Variants in PM20D2 observed in about 807,000 individuals in gnomAD.
PM20D2 encodes xaa-Arg dipeptidase.
In PM20D2, 33 loss-of-function variants were observed where a neutral mutation model predicts 42.9. The ratio of observed to expected loss-of-function variants is 0.77; its 90% CI spans 0.58 to 1.03. The LOEUF (loss-of-function observed/expected upper bound fraction) is 1.03. PM20D2 is among the 50% of genes least tolerant of loss of function. The pLI is 0.00. For synonymous variants in PM20D2, 250 were observed against 228.2 expected (o/e 1.10, Z -0.86); for missense variants, 548 against 557.0 (o/e 0.98, Z 0.16).
rs572337384 is a variant in PM20D2, at chr6:89,148,263, G to C, written c.466-1002G>C. Among the ~76,000 whole-genome samples the C allele has an allele frequency of 5.3e-5, 8 of 152,200 alleles. No individual in the cohort carries two copies. The South Asian group carries it at 1.7e-3, about 32-fold the overall frequency. On this transcript the variant is annotated intron_variant, in intron 1 of 6. Transcript: ENST00000275072. Reference sequence around the variant, plus strand: ...CACAGTGCTAGGATTACAGGCATGAGTCACCGCTCCCGGCCCACTCTTCTA... The same window carrying C: ...CACAGTGCTAGGATTACAGGCATGACTCACCGCTCCCGGCCCACTCTTCTA...
At chr6:89,149,501 T>C in intron 2 of PM20D2, 88 bp downstream of exon 2, 1 of 1,431,820 alleles carries the variant, frequency 7.0e-7, no homozygotes, top group Non-Finnish European at 9.4e-7. Context: ...AAACTCCACA[T>C]TTGTATATTT....
At chr6:89,158,620 C>T (rs961185024) in intron 5 of PM20D2, among the ~76,000 whole-genome samples, 160 bp downstream of exon 5, 8 of 152,130 alleles carry the variant, frequency 5.3e-5, no homozygotes, top group African/African-American at 1.9e-4. Flanking sequence ...CTAATGGACT[C>T]TTAAGTGAGT....
chr6:89,154,529 A>G (rs1299284119), intron 3 of PM20D2, among the ~76,000 whole-genome samples: 2 of 152,200 alleles, frequency 1.3e-5, no homozygotes, highest in Non-Finnish European at 2.9e-5. Flanking sequence ...TGAAGTGCAT[A>G]TGGATAATTA....
chr6:89,120,436 T>C, the PM20D2 span, among the ~76,000 whole-genome samples: 34 of 152,120 alleles, frequency 2.2e-4, no homozygotes, highest in African/African-American at 6.5e-4. Context: ...ACCACTACAT[T>C]GACTTTGCAA....
the PM20D2 span, among the ~76,000 whole-genome samples, chr6:89,121,000 G>T: frequency 6.6e-6 from 1 of 151,720 alleles, no homozygotes; most frequent in Non-Finnish European, 1.5e-5. Context: ...TTTTAGTATT[G>T]TCAGATTTTT....
chr6:89,146,545 C>A lies in PM20D2; in HGVS notation c.401C>A (p.Ala134Glu). ...CGHNLIAEVG[A>E]AAALGVRGAL... Reference sequence around the variant, plus strand: ...CACAACCTCATCGCTGAGGTCGGGGCGGCGGCCGCGCTGGGCGTGAGGGGG... The same window carrying A: ...CACAACCTCATCGCTGAGGTCGGGGAGGCGGCCGCGCTGGGCGTGAGGGGG... The change falls in exon 1 of 7, where the codon GCG becomes GAG. Residue 134 changes from alanine to glutamate, a missense_variant. Around this residue, in one of 3 missense-constraint regions of PM20D2, gnomAD observed 470 missense variants for 464.4 expected, o/e 1.01. Transcript: ENST00000275072. 1.3e-6 allele frequency: 2 copies of A among 1,498,950 alleles called. No individual in the cohort carries two copies. Among genetic ancestry groups the A allele is most frequent in the Non-Finnish European group, 1.8e-6 (2 of 1,131,730 alleles). The allele number at this position is 1,498,950 out of a possible 1,614,324, so 92.9% of individuals were successfully genotyped here. A position where few individuals can be genotyped will look rare whatever the true frequency, so the allele number is the denominator to read the frequency against.
At chr6:89,136,474 G>T in the PM20D2 span, among the ~76,000 whole-genome samples, 1 of 150,720 alleles carries the variant, frequency 6.6e-6, no homozygotes, top group African/African-American at 2.5e-5. Flanking sequence ...TCAGGAGATC[G>T]AGACCATCCT....
At chr6:89,149,199 G>A in intron 1 of PM20D2, 66 bp from the exon 2 acceptor site, 1 of 1,545,800 alleles carries the variant, frequency 6.5e-7, no homozygotes. Context: ...ATATGCAGGT[G>A]AACCTGTTTG....
the PM20D2 span, among the ~76,000 whole-genome samples, chr6:89,103,284 CT>C: frequency 1.1e-4 from 17 of 152,028 alleles, no homozygotes; most frequent in South Asian, 2.1e-4. Flanking sequence ...GAGAAAAAAA[CT>C]GGTTCACTAA....
chr6:89,101,205 C>G, the PM20D2 span, among the ~76,000 whole-genome samples: 1 of 151,696 alleles, frequency 6.6e-6, no homozygotes, highest in Non-Finnish European at 1.5e-5. Context: ...TTTAAGAAAT[C>G]CCTAAAAGAA....
At chr6:89,121,549 A>G in the PM20D2 span, among the ~76,000 whole-genome samples, 2 of 152,216 alleles carry the variant, frequency 1.3e-5, no homozygotes, top group African/African-American at 2.4e-5. Flanking sequence ...ACTCATAAAC[A>G]TATTCATATT....
the PM20D2 span, among the ~76,000 whole-genome samples, chr6:89,124,680 T>TA: frequency 6.6e-6 from 1 of 150,820 alleles, no homozygotes; most frequent in Non-Finnish European, 1.5e-5. Flanking sequence ...GGAAGAATGC[T>TA]AAAGAGATTG....
chr6:89,105,500 A>G, the PM20D2 span: 2 of 1,606,620 alleles, frequency 1.2e-6, no homozygotes, highest in East Asian at 2.2e-5. Flanking sequence ...GGTTATAAAG[A>G]GCATCTTCAG....
At chr6:89,117,950 A>T in the PM20D2 span, 1 of 1,490,192 alleles carries the variant, frequency 6.7e-7, no homozygotes, top group Non-Finnish European at 9.0e-7. Context: ...GTCTCCCGCT[A>T]CCGCTGCTAC....
chr6:89,105,433 G>C, the PM20D2 span: 1 of 1,602,762 alleles, frequency 6.2e-7, no homozygotes, highest in Non-Finnish European at 8.5e-7. Context: ...TTACTTTTGC[G>C]ATCACCTTGT....
At position 89,149,402 on chromosome 6, in the gene PM20D2, G is replaced by A; in HGVS notation, c.603G>A (p.Met201Ile). The change falls in exon 2 of 7, where the codon ATG (methionine) becomes ATA (isoleucine). Residue 201 changes from methionine to isoleucine, a missense_variant. Around this residue, in one of 3 missense-constraint regions of PM20D2, gnomAD observed 470 missense variants for 464.4 expected, o/e 1.01. Transcript: ENST00000275072. Reference protein sequence around the residue: ...SQENAAYLPDMAEHDVTVKYY... With the variant: ...SQENAAYLPDIAEHDVTVKYY... ...AGAATGCTGCTTATCTACCAGATAT[G>A]GCTGAACATGAGTGAGTAATCAAGT... 6.2e-7 allele frequency: 1 copy of A among 1,613,908 alleles called. No individual in the cohort carries two copies. The highest frequency in any genetic ancestry group is 8.5e-7 in the Non-Finnish European group (1 of 1,179,896).
upstream of PM20D2, among the ~76,000 whole-genome samples, chr6:89,142,512 CGATGTAG>C (rs2127768273): frequency 6.6e-6 from 1 of 152,216 alleles, no homozygotes; most frequent in Admixed American, 6.5e-5. Context: ...TAAACTGAAA[CGATGTAG>C]GCTGGATTCA....
At chr6:89,099,452 G>GTGTGTATATATACACACATATATATT in the PM20D2 span, among the ~76,000 whole-genome samples, 5 of 139,860 alleles carry the variant, frequency 3.6e-5, 2 homozygotes, top group African/African-American at 1.4e-4. Context: ...ACATATATAT[G>GTGTGTATATATACACACATATATATT]TGTGTATATA....
At chr6:89,101,713 T>A in the PM20D2 span, among the ~76,000 whole-genome samples, 5 of 150,968 alleles carry the variant, frequency 3.3e-5, no homozygotes, top group African/African-American at 1.2e-4. Flanking sequence ...AAAATAAAAA[T>A]AAAAATAAAT....
Sources: gnomAD v4.1 joint callset for allele counts (sites outside exome capture counted in the v4.1 genomes callset) on GRCh38, gnomAD v4.1.1 for gene constraint, gnomAD v4.1.1 regional missense constraint, MANE v1.5 for transcripts, NCBI Gene and HGNC (gene_info 2026-07-23, HGNC 2026-07-21) for gene names.